The following PEX1 variants were observed in gnomAD, a reference collection of about 807,000 sequenced individuals.
PEX1 encodes peroxisomal biogenesis factor 1, also known as peroxisomal ATPase PEX1.
A neutral mutation model predicts 152.5 loss-of-function variants in PEX1; 97 were observed. That is an observed-to-expected ratio of 0.64 (90% CI 0.54 to 0.75). The LOEUF (loss-of-function observed/expected upper bound fraction) is 0.75. Among genes scored for constraint, PEX1 ranks in the 30% least tolerant of loss-of-function variants. The probability of loss-of-function intolerance (pLI) is 0.00; values close to 1 mark genes in which losing one functional copy is unlikely to be tolerated. For missense variants in PEX1, 1,357 were observed against 1,516.3 expected (o/e 0.89, Z 1.74); for synonymous variants, 485 against 531.6 (o/e 0.91, Z 1.21).
At chr7:92,526,160 C>A (rs1011598108) in intron 1 of PEX1, among the ~76,000 whole-genome samples, 28 of 152,310 alleles carry the variant, frequency 1.8e-4, no homozygotes, top group African/African-American at 6.5e-4. Flanking sequence ...AGGTCTCTAT[C>A]GTCATTAAAA....
chr7:92,504,802 A>C lies in PEX1; in HGVS notation c.2001T>G (p.Ile667Met). 6.2e-7 allele frequency: 1 copy of C among 1,614,194 alleles called. No individual in the cohort carries two copies. The highest frequency in any genetic ancestry group is 8.5e-7 in the Non-Finnish European group (1 of 1,180,014). ...GTTCCGGGACAGCAGGCAGTCCAGC[A>C]ATGAGGTCAAGGTCATCCAGCAGGA... ...SVVLLDDLDL[I>M]AGLPAVPEHE... Residue 667 changes from isoleucine to methionine, a missense_variant, in exon 12 of 24, where the codon ATT (isoleucine) becomes ATG (methionine). Ile to Met is a conservative substitution (Grantham distance 10, BLOSUM62 1). Transcript: ENST00000248633.
At chr7:92,525,301 C>G (rs897475174) in intron 1 of PEX1, among the ~76,000 whole-genome samples, 5 of 152,218 alleles carry the variant, frequency 3.3e-5, no homozygotes, top group Non-Finnish European at 7.3e-5. Flanking sequence ...ACCAGGAAAT[C>G]TGCAGGTAAA....
At chr7:92,509,733 A>G (rs533745745) in intron 8 of PEX1, among the ~76,000 whole-genome samples, 5 of 152,332 alleles carry the variant, frequency 3.3e-5, no homozygotes, top group Admixed American at 2.0e-4. Context: ...TCCTTCAATA[A>G]CATTTCAAAA....
At position 92,509,360 on chromosome 7, in the gene PEX1, T is replaced by C. The variant is rs892831590; in HGVS notation, c.1639A>G (p.Ile547Val). ...KEENSEEIDFILPFLKLSSLG... is the reference protein window; with the variant it reads ...KEENSEEIDFVLPFLKLSSLG... Reference sequence around the variant, plus strand: ...GAGCTCAGCTTTAAAAAAGGAAGAATAAAGTCAATTTCCTCACTGTTTTCT... The same window carrying C: ...GAGCTCAGCTTTAAAAAAGGAAGAACAAAGTCAATTTCCTCACTGTTTTCT... The change falls in exon 9 of 24, where the codon ATT becomes GTT. Residue 547 changes from isoleucine to valine, a missense_variant. Transcript: ENST00000248633. 2.4e-5 allele frequency: 39 copies of C among 1,612,862 alleles called. No individual in the cohort carries two copies. Among genetic ancestry groups the C allele is most frequent in the Non-Finnish European group, 3.1e-5 (37 of 1,179,320 alleles).
chr7:92,510,894 T>C, intron 8 of PEX1, 50 bp downstream of exon 8: 2 of 983,952 alleles, frequency 2.0e-6, no homozygotes, highest in Non-Finnish European at 3.2e-6. Flanking sequence ...TTATTATCAA[T>C]CATATGTAAC....
chr7:92,516,086 A>G lies in PEX1; in HGVS notation c.1239+1190T>C, dbSNP rs1316797849. Among the ~76,000 whole-genome samples the G allele has an allele frequency of 2.0e-5, 3 of 151,400 alleles. 1 individual carries two copies. Among genetic ancestry groups the G allele is most frequent in the Non-Finnish European group, 4.4e-5 (3 of 67,860 alleles). Reference sequence around the variant, plus strand: ...AAAAGAAAAGAAAAGAAAAGAAAAGAAAAGAAAAGAAAAGAAAAGAAAAGA... The same window carrying G: ...AAAAGAAAAGAAAAGAAAAGAAAAGGAAAGAAAAGAAAAGAAAAGAAAAGA... On this transcript the variant is annotated intron_variant, in intron 5 of 23. Coordinates refer to ENST00000248633, the MANE Select transcript of PEX1 (RefSeq NM_000466.3).
At chr7:92,518,332 CT>C (rs1792900930) in intron 3 of PEX1, 77 bp from the exon 4 acceptor site, 5 of 966,588 alleles carry the variant, frequency 5.2e-6, no homozygotes, top group East Asian at 2.5e-5. Context: ...AATCTCAATT[CT>C]TTTTTTAAAA....
At chr7:92,493,170 T>G in intron 19 of PEX1, 41 bp from the exon 20 acceptor site, 3 of 1,082,360 alleles carry the variant, frequency 2.8e-6, no homozygotes, top group Non-Finnish European at 4.1e-6. Context: ...AAAAATAAAA[T>G]TAAAAATATT....
intron 16 of PEX1, among the ~76,000 whole-genome samples, chr7:92,498,436 G>C (rs1314974606): frequency 6.6e-6 from 1 of 152,080 alleles, no homozygotes; most frequent in East Asian, 1.9e-4. Flanking sequence ...AGTAAGCCAA[G>C]ATTGCATCAC....
rs150085310 is a variant in PEX1, at chr7:92,499,658, T to C, written c.2718+46A>G. The C allele has an allele frequency of 2.9e-5, 43 of 1,491,816 alleles. No individual in the cohort carries two copies. The African/African-American group carries it at 5.1e-4, about 18-fold the overall frequency. The allele number at this position is 1,491,816 out of a possible 1,614,324, so 92.4% of individuals were successfully genotyped here. A position where few individuals can be genotyped will look rare whatever the true frequency, so the allele number is the denominator to read the frequency against. Reference sequence around the variant, plus strand: ...ACTTTGAAATGGCTAACTGCATTTATGTTAATTTTACCTAAATAAAAAAAG... The same window carrying C: ...ACTTTGAAATGGCTAACTGCATTTACGTTAATTTTACCTAAATAAAAAAAG... On this transcript the variant is annotated intron_variant, in intron 16 of 23. Coordinates refer to ENST00000248633, the MANE Select transcript of PEX1 (RefSeq NM_000466.3).
chr7:92,505,601 A>G (rs992348029), intron 11 of PEX1, among the ~76,000 whole-genome samples: 2 of 152,192 alleles, frequency 1.3e-5, no homozygotes, highest in African/African-American at 4.8e-5. Flanking sequence ...ATGCAAATGC[A>G]TCTGCCTAGA....
intron 5 of PEX1, among the ~76,000 whole-genome samples, chr7:92,516,060 GA>G (rs1554374864): frequency 3.8e-5 from 2 of 52,364 alleles, no homozygotes; most frequent in African/African-American, 7.1e-5. Flanking sequence ...AGAGAAAAAA[GA>G]AAAGAAAAGA....
rs753294998 is a variant in PEX1, at chr7:92,517,382, T to C, written c.1133A>G (p.Asp378Gly). 5.6e-6 allele frequency: 9 copies of C among 1,613,932 alleles called. No homozygotes were observed. The highest frequency in any genetic ancestry group is 7.6e-6 in the Non-Finnish European group (9 of 1,179,884). Reference sequence around the variant, plus strand: ...TACTTGTAGCACACAGGCCTTCTCATCTTCTTCATTATGATCTGACCTAAT... The same window carrying C: ...TACTTGTAGCACACAGGCCTTCTCACCTTCTTCATTATGATCTGACCTAAT... Reference protein sequence around the residue: ...KKIRSDHNEEDEKACVLQVVW... With the variant: ...KKIRSDHNEEGEKACVLQVVW... Residue 378 changes from aspartate to glycine, a missense_variant, in exon 5 of 24, where the codon GAT becomes GGT. By Grantham distance (94) the Asp-to-Gly change is moderately conservative. Coordinates refer to ENST00000248633, the MANE Select transcript of PEX1 (RefSeq NM_000466.3).
At chr7:92,507,284 G>T (rs1298348887) in intron 9 of PEX1, 158 bp from the exon 10 acceptor site, 2 of 621,072 alleles carry the variant, frequency 3.2e-6, no homozygotes, top group Non-Finnish European at 5.4e-6. Context: ...TGTCATCCAG[G>T]CTGGAGCGCA....
At position 92,503,033 on chromosome 7, in the gene PEX1, T is replaced by A. The variant is rs772716358; in HGVS notation, c.2226+8A>T. ...ATAATTCAATAATCCTTACAAGTAGTGTATTACCTGATTAGGAGGCTGAAT... is the reference window on the plus strand; with the variant it reads ...ATAATTCAATAATCCTTACAAGTAGAGTATTACCTGATTAGGAGGCTGAAT... On this transcript the variant is annotated splice_region_variant and intron_variant, in intron 13 of 23. Coordinates refer to ENST00000248633, the MANE Select transcript of PEX1 (RefSeq NM_000466.3). 6.2e-7 allele frequency: 1 copy of A among 1,607,458 alleles called. No homozygotes were observed. The highest frequency in any genetic ancestry group is 2.2e-5 in the East Asian group (1 of 44,782).
chr7:92,497,274 T>C (rs975576609), intron 16 of PEX1, among the ~76,000 whole-genome samples: 3 of 152,156 alleles, frequency 2.0e-5, no homozygotes, highest in African/African-American at 7.2e-5. Flanking sequence ...ACATAAGTAT[T>C]GGATAATAGT....
chr7:92,507,072 C>A lies in PEX1; in HGVS notation c.1725G>T (p.Leu575=). Residue 575 remains leucine (L), a synonymous_variant, in exon 10 of 24, where the codon CTG becomes CTT. Transcript: ENST00000248633. ...SSLEHITHSL[L]GRPLSRQLMS... ...TCAGCTGCCGAGACAAAGGGCGTCCCAGGAGGCTGTGAGTGATGTGCTCCA... is the reference window on the plus strand; with the variant it reads ...TCAGCTGCCGAGACAAAGGGCGTCCAAGGAGGCTGTGAGTGATGTGCTCCA... 6.2e-7 allele frequency: 1 copy of A among 1,613,914 alleles called. No individual in the cohort carries two copies. The highest frequency in any genetic ancestry group is 8.5e-7 in the Non-Finnish European group (1 of 1,179,874).
Position 92,489,832 on chromosome 7 carries a change from T to C in PEX1, c.3518A>G (p.Gln1173Arg). The change falls in exon 22 of 24, where the codon CAG becomes CGG. Residue 1173 changes from glutamine to arginine, a missense_variant. By Grantham distance (43) the Gln-to-Arg change is conservative. Coordinates refer to ENST00000248633, the MANE Select transcript of PEX1 (RefSeq NM_000466.3). Reference sequence around the variant, plus strand: ...TGAAGCTGTCCTTAACACTGGAGGCTGTGAAAACAACTGGTCTTTCCCAGG... The same window carrying C: ...TGAAGCTGTCCTTAACACTGGAGGCCGTGAAAACAACTGGTCTTTCCCAGG... ...GVPGKDQLFS[Q>R]PPVLRTASQE... The C allele has an allele frequency of 6.2e-7, 1 of 1,614,044 alleles. No individual in the cohort carries two copies. The highest frequency in any genetic ancestry group is 1.3e-5 in the African/African-American group (1 of 75,058).
intron 16 of PEX1, among the ~76,000 whole-genome samples, chr7:92,499,428 T>A (rs1791814132): frequency 6.6e-6 from 1 of 152,064 alleles, no homozygotes; most frequent in Non-Finnish European, 1.5e-5. Flanking sequence ...ATTACATAAG[T>A]GAAAGAAGCC....
Sources: gnomAD v4.1 joint callset for allele counts (sites outside exome capture counted in the v4.1 genomes callset) on GRCh38, gnomAD v4.1.1 for gene constraint, MANE v1.5 for transcripts, NCBI Gene and HGNC (gene_info 2026-07-23, HGNC 2026-07-21) for gene names.